UBE2F: variants seen among roughly 807,000 people sequenced by gnomAD.
The protein encoded by UBE2F is ubiquitin conjugating enzyme E2 F (putative).
Under a neutral mutation model 29.6 loss-of-function variants are expected in UBE2F, and 5 were observed. That is an observed-to-expected ratio of 0.17 (90% confidence interval 0.09 to 0.36). The LOEUF (loss-of-function observed/expected upper bound fraction) is 0.36. UBE2F is among the 10% of genes least tolerant of loss of function. The probability of loss-of-function intolerance (pLI) is 1.00; values close to 1 mark genes in which losing one functional copy is unlikely to be tolerated. For synonymous variants in UBE2F, 66 were observed against 81.8 expected (o/e 0.81, Z 1.04); for missense variants, 141 against 228.5 (o/e 0.62, Z 2.47).
chr2:237,992,833 TAAA>T (rs1240480678), intron 3 of UBE2F, among the ~76,000 whole-genome samples: 1 of 152,250 alleles, frequency 6.6e-6, no homozygotes, highest in African/African-American at 2.4e-5. Flanking sequence ...CTGTTTTCGA[TAAA>T]AATTTTTATC....
At chr2:238,025,820 G>C (rs112975428) in intron 6 of UBE2F, among the ~76,000 whole-genome samples, 2 of 152,160 alleles carry the variant, frequency 1.3e-5, no homozygotes, top group Non-Finnish European at 2.9e-5. Context: ...GGCTTGAGAC[G>C]ACCTTGGGCA....
intron 6 of UBE2F, among the ~76,000 whole-genome samples, chr2:238,029,709 G>C (rs1451236506): frequency 6.6e-6 from 1 of 152,212 alleles, no homozygotes; most frequent in Non-Finnish European, 1.5e-5. Flanking sequence ...TGCCTGGGTT[G>C]GAAGAACAAC....
At chr2:238,011,909 C>T (rs2064039400) in intron 4 of UBE2F, among the ~76,000 whole-genome samples, 1 of 152,130 alleles carries the variant, frequency 6.6e-6, no homozygotes, top group African/African-American at 2.4e-5. Flanking sequence ...GACAGGGTCT[C>T]ACTCTGTTGC....
intron 1 of UBE2F, chr2:237,968,773 C>T (rs1576582275): frequency 7.0e-6 from 6 of 851,688 alleles, no homozygotes; most frequent in African/African-American, 1.8e-5. Context: ...ACTGAGAATG[C>T]TGTTCAGAAC....
chr2:238,021,536 A>C (rs1453394336), intron 5 of UBE2F, among the ~76,000 whole-genome samples: 1 of 152,240 alleles, frequency 6.6e-6, no homozygotes, highest in African/African-American at 2.4e-5. Flanking sequence ...TTCCCGTCAT[A>C]ATATGATGGA....
intron 6 of UBE2F, among the ~76,000 whole-genome samples, chr2:238,026,982 C>T (rs1460049677): frequency 6.6e-6 from 1 of 152,210 alleles, no homozygotes; most frequent in Non-Finnish European, 1.5e-5. Context: ...GCCCCGCTTC[C>T]TCCTGTGCTT....
Position 238,041,314 on chromosome 2 carries a change from C to A in UBE2F, c.534C>A (p.Asp178Glu), listed in dbSNP as rs1271141377. The A allele has an allele frequency of 6.2e-7, 1 of 1,613,968 alleles. No homozygotes were observed. Among genetic ancestry groups the A allele is most frequent in the Non-Finnish European group, 8.5e-7 (1 of 1,179,850 alleles). Residue 178 changes from aspartate to glutamate, a missense_variant, in exon 10 of 10, where the codon GAC becomes GAA. Coordinates refer to ENST00000272930, the MANE Select transcript of UBE2F (RefSeq NM_080678.3). The part of the protein sequence containing the change: ...DKEDFRNKVD[D>E]YIKRYAR ...AGGACTTCCGGAATAAAGTGGATGA[C>A]TACATCAAACGTTATGCCAGATGAT...
intron 4 of UBE2F, among the ~76,000 whole-genome samples, chr2:238,008,020 C>CA (rs2063943316): frequency 6.6e-6 from 1 of 152,108 alleles, no homozygotes; most frequent in Non-Finnish European, 1.5e-5. Flanking sequence ...GTGGCACGAT[C>CA]ACGCCTCACT....
At chr2:238,039,772 C>T (rs547745995) in intron 9 of UBE2F, among the ~76,000 whole-genome samples, 35 of 152,264 alleles carry the variant, frequency 2.3e-4, no homozygotes, top group Admixed American at 1.3e-4. Context: ...GCATGGACGC[C>T]GGGCTCTATG....
chr2:238,027,495 G>T (rs1205831666), intron 6 of UBE2F, among the ~76,000 whole-genome samples: 3 of 152,190 alleles, frequency 2.0e-5, no homozygotes, highest in Non-Finnish European at 4.4e-5. Context: ...TGGTGGCTGG[G>T]GGAGGAGTGT....
intron 7 of UBE2F, 25 bp downstream of exon 7, chr2:238,030,638 T>C: frequency 6.3e-7 from 1 of 1,595,906 alleles, no homozygotes; most frequent in South Asian, 1.1e-5. Context: ...TTGATCTTGA[T>C]CATAAGTTGT....
intron 6 of UBE2F, among the ~76,000 whole-genome samples, chr2:238,028,407 A>G (rs1388886240): frequency 6.6e-6 from 1 of 152,284 alleles, no homozygotes; most frequent in Non-Finnish European, 1.5e-5. Context: ...ATAAATGACA[A>G]ATATATAACT....
intron 1 of UBE2F, 41 bp from the exon 2 acceptor site, chr2:237,973,051 G>A: frequency 2.6e-6 from 4 of 1,560,342 alleles, no homozygotes; most frequent in East Asian, 2.3e-5. Context: ...TTAGTCTCTG[G>A]AGACCTGGTC....
At chr2:238,017,303 G>A (rs1245330714) in intron 5 of UBE2F, among the ~76,000 whole-genome samples, 2 of 152,144 alleles carry the variant, frequency 1.3e-5, no homozygotes, top group African/African-American at 4.8e-5. Flanking sequence ...AAGCTTTTAG[G>A]GGGAAATCTA....
intron 2 of UBE2F, among the ~76,000 whole-genome samples, chr2:237,975,868 A>G (rs1235589101): frequency 6.6e-6 from 1 of 151,890 alleles, no homozygotes; most frequent in Non-Finnish European, 1.5e-5. Flanking sequence ...CAAACTCCTG[A>G]CCTCAAGTGA....
intron 4 of UBE2F, among the ~76,000 whole-genome samples, chr2:238,014,119 C>G (rs1337486463): frequency 6.6e-6 from 1 of 152,208 alleles, no homozygotes; most frequent in African/African-American, 2.4e-5. Flanking sequence ...AACTCTTAAG[C>G]TGGGGACATC....
At chr2:238,035,226 G>A (rs2064680429) in intron 8 of UBE2F, 1 of 152,812 alleles carries the variant, frequency 6.5e-6, no homozygotes, top group African/African-American at 2.4e-5. Context: ...AGAGGGCTGA[G>A]CAGTGTGAAG....
In UBE2F at chr2:237,968,894, T is replaced by A. The variant is rs938986336; in HGVS notation, c.-17+1762T>A. On this transcript the variant is annotated intron_variant, in intron 1 of 9. Coordinates refer to ENST00000272930, the MANE Select transcript of UBE2F (RefSeq NM_080678.3). ...AAGCATATTGAAGAAGGAAAAGAAT[T>A]CTGAAGCAACTGCAGGTATTCAGCT... 124 of 974,652 alleles carry A rather than the reference T, an allele frequency of 1.3e-4. 1 individual carries two copies. The highest frequency in any genetic ancestry group is 1.5e-4 in the Non-Finnish European group (119 of 820,218). The allele number at this position is 974,652 out of a possible 1,614,324, so 60.4% of individuals were successfully genotyped here.
At chr2:237,972,590 A>T (rs927141485) in intron 1 of UBE2F, among the ~76,000 whole-genome samples, 1 of 137,344 alleles carries the variant, frequency 7.3e-6, no homozygotes, top group African/African-American at 2.7e-5. Flanking sequence ...TTGCCGTGTC[A>T]CACAGGCTGG....
Sources: gnomAD v4.1 joint callset for allele counts (sites outside exome capture counted in the v4.1 genomes callset) on GRCh38, gnomAD v4.1.1 for gene constraint, MANE v1.5 for transcripts, NCBI Gene and HGNC (gene_info 2026-07-23, HGNC 2026-07-21) for gene names.